The following APBA2 variants were observed in gnomAD, a reference collection of about 807,000 sequenced individuals.
APBA2 encodes the protein amyloid-beta A4 precursor protein-binding family A member 2.
APBA2 carries 30 observed loss-of-function variants against 75.0 expected under a neutral mutation model. That is an observed-to-expected ratio of 0.40 (90% CI 0.30 to 0.54). The LOEUF is 0.54. APBA2 is among the 20% of genes least tolerant of loss of function. The pLI is 0.49. For synonymous variants in APBA2, 444 were observed against 409.6 expected, an observed-to-expected ratio of 1.08 and a Z score of -1.01; for missense variants, 801 against 1,016.1, an observed-to-expected ratio of 0.79 and a Z score of 2.88.
At chr15:28,935,298 C>T (rs112207960) in intron 2 of APBA2, among the ~76,000 whole-genome samples, 2,275 of 152,294 alleles carry the variant, frequency 0.015, 18 homozygotes, top group Middle Eastern at 0.058. Context: ...CACAGCACTT[C>T]GCATGGGTTT....
rs1169328284 is a variant in APBA2, at chr15:29,054,297, T to C, written c.413T>C (p.Val138Ala). 6 of 1,613,864 alleles carry C rather than the reference T, an allele frequency of 3.7e-6. No homozygotes were observed. The highest frequency in any genetic ancestry group is 5.1e-6 in the Non-Finnish European group (6 of 1,179,956). Reference protein sequence around the residue: ...PVDTDECQEAVEEWTDSAGPH... With the variant: ...PVDTDECQEAAEEWTDSAGPH... ...GACACTGATGAGTGCCAGGAGGCGG[T>C]GGAGGAGTGGACGGACTCGGCGGGC... Residue 138 changes from valine (V) to alanine (A), a missense_variant, in exon 4 of 15, where the codon GTG (valine) becomes GCG (alanine). Around this residue, in one of 2 missense-constraint regions of APBA2, gnomAD observed 434 missense variants for 471.6 expected, o/e 0.92. Transcript: ENST00000683413. This position sits in a 1 kb window ranked among gnomAD's most constrained non-coding sequence, Gnocchi z 6.1.
chr15:29,003,665 C>T (rs903675223), intron 3 of APBA2, among the ~76,000 whole-genome samples: 15 of 152,208 alleles, frequency 9.9e-5, no homozygotes, highest in African/African-American at 3.4e-4. Flanking sequence ...AATCTGCACA[C>T]GTGGTTTTGG....
At chr15:29,043,966 C>T (rs4779482) in intron 3 of APBA2, among the ~76,000 whole-genome samples, 55,943 of 152,122 alleles carry the variant, frequency 0.37, 17,133 homozygotes, top group African/African-American at 0.81. Flanking sequence ...TTCTCCAGGA[C>T]TGTTCAAACC....
intron 2 of APBA2, among the ~76,000 whole-genome samples, chr15:28,945,760 T>C (rs12324109): frequency 0.29 from 44,584 of 151,840 alleles, 10,639 homozygotes; most frequent in African/African-American, 0.64. Context: ...GTGATCAGCC[T>C]ACCTCGGCCT....
chr15:29,084,756 C>G (rs2043215987), intron 6 of APBA2, among the ~76,000 whole-genome samples: 1 of 152,112 alleles, frequency 6.6e-6, no homozygotes, highest in Non-Finnish European at 1.5e-5. Flanking sequence ...TCTCTTTTTT[C>G]TGTCTTACAA....
chr15:28,988,480 T>G (rs998624518), intron 2 of APBA2, among the ~76,000 whole-genome samples: 4 of 152,142 alleles, frequency 2.6e-5, no homozygotes, highest in African/African-American at 7.2e-5. Context: ...GCCAGGCTGG[T>G]CTCGAACTCC....
At chr15:28,908,456 G>A (rs1453336569) in intron 1 of APBA2, among the ~76,000 whole-genome samples, 1 of 151,852 alleles carries the variant, frequency 6.6e-6, no homozygotes, top group Non-Finnish European at 1.5e-5. Context: ...GACTACAGGC[G>A]CCCGCCACCA....
intron 2 of APBA2, among the ~76,000 whole-genome samples, chr15:28,926,192 T>C (rs1002256840): frequency 6.6e-6 from 1 of 152,192 alleles, no homozygotes; most frequent in Non-Finnish European, 1.5e-5. Context: ...TTGAGGTACT[T>C]AGATTAATAT....
At chr15:29,000,381 C>A (rs2038782363) in intron 3 of APBA2, among the ~76,000 whole-genome samples, 1 of 152,142 alleles carries the variant, frequency 6.6e-6, no homozygotes, top group Admixed American at 6.5e-5. Context: ...ACATTGTTTT[C>A]TATACTTCTA....
At chr15:28,892,289 A>G (rs534038920) in intron 1 of APBA2, among the ~76,000 whole-genome samples, 19 of 152,248 alleles carry the variant, frequency 1.2e-4, no homozygotes, top group South Asian at 8.3e-4. Context: ...GTTAGCCAAG[A>G]TGGTCTCGAC....
intron 2 of APBA2, among the ~76,000 whole-genome samples, chr15:28,927,723 G>A (rs78201141): frequency 0.015 from 2,284 of 151,648 alleles, 65 homozygotes; most frequent in African/African-American, 0.052. Context: ...CGCTGTGCCC[G>A]GTCTTCCCAC....
intron 10 of APBA2, chr15:29,102,231 A>G: frequency 3.8e-6 from 1 of 261,226 alleles, no homozygotes; most frequent in Admixed American, 5.1e-5. Context: ...CTGAAGTATA[A>G]GATACCAAAG....
Position 29,030,638 on chromosome 15 carries a change from T to G in APBA2, c.-40-23207T>G, listed in dbSNP as rs530001569. The stretch of plus-strand genomic sequence containing the variant: ...TTTCTAATTGTCCCATTGTAGTCAG[T>G]GGGTGTAGCCAGTACAGATTCTTTG... On this transcript the variant is annotated intron_variant, in intron 3 of 14. Transcript: ENST00000683413. 2.0e-5 allele frequency among the ~76,000 whole-genome samples: 3 copies of G among 152,194 alleles called. No homozygotes were observed. The East Asian group carries it at 5.8e-4, about 29-fold the overall frequency.
chr15:28,906,018 AT>A (rs373266753), intron 1 of APBA2, among the ~76,000 whole-genome samples: 1,909 of 148,626 alleles, frequency 0.013, 33 homozygotes, highest in African/African-American at 0.044. Context: ...GACTCCTCCC[AT>A]TTTTTTTTTC....
At position 29,074,975 on chromosome 15, in the gene APBA2, C is replaced by G; in HGVS notation, c.1006C>G (p.Pro336Ala). ...GCAGCAGCGCTCTGATCTCAATGGACCTGTTGACAATAACAACATTCCAGA... is the reference window on the plus strand; with the variant it reads ...GCAGCAGCGCTCTGATCTCAATGGAGCTGTTGACAATAACAACATTCCAGA... ...RKQQRSDLNG[P>A]VDNNNIPETK... Residue 336 changes from proline to alanine, a missense_variant, in exon 5 of 15, where the codon CCT becomes GCT. By Grantham distance (27) the Pro-to-Ala change is conservative. Coordinates refer to ENST00000683413, the MANE Select transcript of APBA2 (RefSeq NM_001353788.2). 1 of 1,614,070 alleles carries G rather than the reference C, an allele frequency of 6.2e-7. No homozygotes were observed. Among genetic ancestry groups the G allele is most frequent in the Non-Finnish European group, 8.5e-7 (1 of 1,179,940 alleles).
Position 29,054,620 on chromosome 15 carries a change from A to G in APBA2, c.736A>G (p.Ser246Gly), listed in dbSNP as rs754051972. 1 of 1,614,148 alleles carries G rather than the reference A, an allele frequency of 6.2e-7. No individual in the cohort carries two copies. Among genetic ancestry groups the G allele is most frequent in the East Asian group, 2.2e-5 (1 of 44,854 alleles). ...SLSMTSITSA[S>G]EASPEHGPEP... ...GAGCATGACCAGCATCACCAGCGCC[A>G]GTGAGGCCAGCCCCGAGCATGGGCC... is the stretch of plus-strand genomic sequence containing the variant. The change falls in exon 4 of 15, where the codon AGT (serine) becomes GGT (glycine). Residue 246 changes from serine to glycine, a missense_variant. By Grantham distance (56) the Ser-to-Gly change is moderately conservative. This residue lies in a region of APBA2 where 434 missense variants were observed against 471.6 expected (regional missense o/e 0.92). Coordinates refer to ENST00000683413, the MANE Select transcript of APBA2 (RefSeq NM_001353788.2). This position sits in a 1 kb window ranked among gnomAD's most constrained non-coding sequence, Gnocchi z 6.1.
At chr15:28,945,773 C>T (rs2152712926) in intron 2 of APBA2, among the ~76,000 whole-genome samples, 1 of 152,266 alleles carries the variant, frequency 6.6e-6, no homozygotes, top group East Asian at 1.9e-4. Context: ...CTCGGCCTCC[C>T]AAAGTGCTGG....
intron 2 of APBA2, among the ~76,000 whole-genome samples, chr15:28,923,363 A>T (rs569367283): frequency 1.6e-4 from 24 of 152,048 alleles, no homozygotes; most frequent in Non-Finnish European, 2.9e-4. Context: ...AGATGGTTGA[A>T]CTCGTAGATT....
intron 4 of APBA2, among the ~76,000 whole-genome samples, chr15:29,065,689 C>T (rs1382569378): frequency 6.6e-6 from 1 of 152,158 alleles, no homozygotes; most frequent in Non-Finnish European, 1.5e-5. Context: ...AGAAGTTGGT[C>T]TCTCTCCAGC....
Sources: gnomAD v4.1 joint callset for allele counts (sites outside exome capture counted in the v4.1 genomes callset) on GRCh38, gnomAD v4.1.1 for gene constraint, gnomAD v4.1.1 regional missense constraint, Gnocchi (gnomAD v3.1) non-coding constraint, MANE v1.5 for transcripts, NCBI Gene and HGNC (gene_info 2026-07-23, HGNC 2026-07-21) for gene names.